DMRT2: variants seen among roughly 807,000 people sequenced by gnomAD.
The protein encoded by DMRT2 is doublesex- and mab-3-related transcription factor 2.
DMRT2 carries 33 observed loss-of-function variants against 43.5 expected under a neutral mutation model. The ratio of observed to expected loss-of-function variants is 0.76; its 90% CI spans 0.58 to 1.01. The LOEUF (loss-of-function observed/expected upper bound fraction) is 1.01. Among genes scored for constraint, DMRT2 ranks in the 50% least tolerant of loss-of-function variants. The pLI is 0.00. For synonymous variants in DMRT2, 395 were observed against 309.2 expected, an observed-to-expected ratio of 1.28 and a Z score of -2.91; for missense variants, 1,064 against 748.0, an observed-to-expected ratio of 1.42 and a Z score of -4.93.
At chr9:1,052,646 G>T (rs1158507354) in intron 2 of DMRT2, among the ~76,000 whole-genome samples, 1 of 152,046 alleles carries the variant, frequency 6.6e-6, no homozygotes, top group East Asian at 1.9e-4. Flanking sequence ...GACACAAAAT[G>T]CATGAGAAAT....
At chr9:1,055,787 A>T (rs747929955) in intron 3 of DMRT2, 1 of 1,509,444 alleles carries the variant, frequency 6.6e-7, no homozygotes, top group African/African-American at 1.4e-5. Context: ...AATAAAAGTG[A>T]CATCAGCTCT....
chr9:1,057,083 C>A lies in DMRT2; in HGVS notation c.1496C>A (p.Thr499Asn), dbSNP rs751193192. The A allele has an allele frequency of 7.4e-6, 12 of 1,614,106 alleles. No homozygotes were observed. The change falls in exon 4 of 4, where the codon ACC becomes AAC. Residue 499 changes from threonine (T) to asparagine (N), a missense_variant. Transcript: ENST00000358146. The part of the protein sequence containing the change: ...TPFVKEAFEE[T>N]PKKHRECLVK... ...TTTGTCAAAGAGGCCTTTGAAGAGA[C>A]CCCTAAGAAACACAGAGAGTGTTTA...
rs144310366 is a variant in DMRT2 at position 1,056,982 on chromosome 9, A to G, written c.1395A>G (p.Pro465=). Residue 465 remains proline (P), a synonymous_variant, in exon 4 of 4, where the codon CCA becomes CCG. Coordinates refer to ENST00000358146, the MANE Select transcript of DMRT2 (RefSeq NM_181872.6). ...ISKENTRHPL[P]LRHNPFHSLF... ...AAGAAAACACCAGGCACCCTCTGCC[A>G]CTTAGACATAATCCATTCCACTCAT... 144 of 1,614,238 alleles carry G rather than the reference A, an allele frequency of 8.9e-5. No homozygotes were observed. In the African/African-American group the frequency reaches 1.7e-3, roughly 19 times the overall value.
chr9:1,051,775 G>T lies in DMRT2; in HGVS notation c.162G>T (p.Gly54=). 3 of 1,518,538 alleles carry T rather than the reference G, an allele frequency of 2.0e-6. No homozygotes were observed. The highest frequency in any genetic ancestry group is 2.6e-6 in the Non-Finnish European group (3 of 1,136,046). The allele number at this position is 1,518,538 out of a possible 1,614,324, so 94.1% of individuals were successfully genotyped here. Reference sequence around the variant, plus strand: ...GCGAGGACGACGAAGATGACGACGGGGTGGACGAAGACGCGGAAGAAGAGG... The same window carrying T: ...GCGAGGACGACGAAGATGACGACGGTGTGGACGAAGACGCGGAAGAAGAGG... ...GDCEDDEDDD[G]VDEDAEEEGD... is the part of the protein sequence containing the mutation. Residue 54 remains glycine, a synonymous_variant, in exon 2 of 4, where the codon GGG becomes GGT. Coordinates refer to ENST00000358146, the MANE Select transcript of DMRT2 (RefSeq NM_181872.6). This position sits in a 1 kb window ranked among gnomAD's most constrained non-coding sequence, Gnocchi z 5.9.
In DMRT2 at chr9:1,051,572, T is replaced by C. The variant is rs1586730200; in HGVS notation, c.-42T>C. The stretch of plus-strand genomic sequence containing the variant: ...TGGATTTCTTTGTGTTTCCCCAGAG[T>C]GAGGGCCGCCAGGCTCAGGCCCCAG... On this transcript the variant is annotated splice_region_variant and 5_prime_UTR_variant, in exon 2 of 4. Coordinates refer to ENST00000358146, the MANE Select transcript of DMRT2 (RefSeq NM_181872.6). The surrounding 1 kb of genome is among the most constrained non-coding windows in gnomAD (Gnocchi z 5.9). The C allele has an allele frequency of 1.4e-6, 2 of 1,475,730 alleles. No homozygotes were observed. Among genetic ancestry groups the C allele is most frequent in the African/African-American group, 2.9e-5 (2 of 68,522 alleles). The allele number at this position is 1,475,730 out of a possible 1,614,324, so 91.4% of individuals were successfully genotyped here. A position where few individuals can be genotyped will look rare whatever the true frequency, so the allele number is the denominator to read the frequency against.
At chr9:1,055,625 TTTTCAATTTTCTA>T in intron 3 of DMRT2, 1 of 1,245,362 alleles carries the variant, frequency 8.0e-7, no homozygotes, top group Admixed American at 3.8e-5. Flanking sequence ...TTAACAGCTC[TTTTCAATTTTCTA>T]TGCTTCTCTA....
chr9:1,051,842 C>T lies in DMRT2; in HGVS notation c.229C>T (p.Gln77Ter). 7.0e-7 allele frequency: 1 copy of T among 1,429,438 alleles called. No individual in the cohort carries two copies. The highest frequency in any genetic ancestry group is 1.5e-5 in the South Asian group (1 of 66,460). The allele number at this position is 1,429,438 out of a possible 1,614,324, so 88.5% of individuals were successfully genotyped here. ...AGGCGCGTCCCCCGGGATGCCCGGC[C>T]AGCCGGAGCAGCGGGGGGGACCGCA... Reference protein sequence around the residue: ...EAGASPGMPGQPEQRGGPQPR... With the variant: ...EAGASPGMPG The change falls in exon 2 of 4, where the codon CAG becomes TAG. Residue 77 changes from glutamine to a stop codon, truncating the protein, a stop_gained. Transcript: ENST00000358146. LOFTEE classifies it high-confidence loss of function. The surrounding 1 kb of genome is among the most constrained non-coding windows in gnomAD (Gnocchi z 5.9).
At chr9:1,053,591 C>T (rs1423215345) in intron 2 of DMRT2, 131 bp from the exon 3 acceptor site, 5 of 827,026 alleles carry the variant, frequency 6.0e-6, no homozygotes, top group Non-Finnish European at 9.4e-6. Flanking sequence ...TTATTTTTCA[C>T]ACGGAATGGG....
At position 1,057,450 on chromosome 9, in the gene DMRT2, A is replaced by C. The variant is rs969648107; in HGVS notation, c.*177A>C. The stretch of plus-strand genomic sequence containing the variant: ...TACTTTTTCTTATCACATATATTTA[A>C]ACTTACAGATGGAAATTGCCCAATG... On this transcript the variant is annotated 3_prime_UTR_variant, in exon 4 of 4. Transcript: ENST00000358146. 1.5e-6 allele frequency: 1 copy of C among 674,898 alleles called. No homozygotes were observed. The highest frequency in any genetic ancestry group is 2.4e-6 in the Non-Finnish European group (1 of 421,738). The allele number at this position is 674,898 out of a possible 1,614,324, so 41.8% of individuals were successfully genotyped here. A position where few individuals can be genotyped will look rare whatever the true frequency, so the allele number is the denominator to read the frequency against.
chr9:1,053,042 C>A (rs1036233970), intron 2 of DMRT2: 5 of 152,370 alleles, frequency 3.3e-5, no homozygotes, highest in African/African-American at 1.2e-4. Flanking sequence ...GGCTTGGTCT[C>A]CTCCCGCGTC....
rs770673047 is a variant in DMRT2, at chr9:1,057,260, G to A, written c.1673G>A (p.Arg558His). 9.9e-6 allele frequency: 16 copies of A among 1,608,306 alleles called. No individual in the cohort carries two copies. The highest frequency in any genetic ancestry group is 1.7e-5 in the Admixed American group (1 of 58,670). Residue 558 changes from arginine to histidine, a missense_variant, in exon 4 of 4, where the codon CGT (arginine) becomes CAT (histidine). Arg to His is a conservative substitution (Grantham distance 29). Coordinates refer to ENST00000358146, the MANE Select transcript of DMRT2 (RefSeq NM_181872.6). Reference protein sequence around the residue: ...ILKRPSSAITRVSQ With the variant: ...ILKRPSSAITHVSQ ...AAGAGGCCTTCATCTGCCATCACTC[G>A]TGTCTCTCAGTGAAAGGCTGCTTAA...
chr9:1,056,736 C>T lies in DMRT2; in HGVS notation c.1149C>T (p.Val383=), dbSNP rs1299214211. 4.3e-6 allele frequency: 7 copies of T among 1,614,056 alleles called. No homozygotes were observed. The highest frequency in any genetic ancestry group is 5.9e-6 in the Non-Finnish European group (7 of 1,180,016). ...GASWDLKGAR[V]QDGLSAEQDM... ...GCTGGGACTTGAAGGGAGCACGAGT[C>T]CAGGATGGACTCAGTGCAGAGCAGG... Residue 383 remains valine, a synonymous_variant, in exon 4 of 4, where the codon GTC becomes GTT. Coordinates refer to ENST00000358146, the MANE Select transcript of DMRT2 (RefSeq NM_181872.6).
At chr9:1,052,615 G>C (rs1304540000) in intron 2 of DMRT2, among the ~76,000 whole-genome samples, 1 of 151,896 alleles carries the variant, frequency 6.6e-6, no homozygotes, top group Non-Finnish European at 1.5e-5. Flanking sequence ...GAGATATCTA[G>C]AACACTCATT....
chr9:1,054,256 C>A (rs956439082), intron 3 of DMRT2, among the ~76,000 whole-genome samples: 1 of 152,170 alleles, frequency 6.6e-6, no homozygotes, highest in African/African-American at 2.4e-5. Context: ...ATAACTTAAA[C>A]AAAGCAAAAC....
intron 2 of DMRT2, 33 bp downstream of exon 2, chr9:1,052,171 C>A: frequency 7.5e-7 from 1 of 1,331,770 alleles, no homozygotes. Context: ...CGTCTCAGGC[C>A]ACAGTGGAGG....
rs199502026 is a variant in DMRT2 at position 1,056,582 on chromosome 9, A to G, written c.995A>G (p.Tyr332Cys). 29 of 1,614,214 alleles carry G rather than the reference A, an allele frequency of 1.8e-5. No homozygotes were observed. Among genetic ancestry groups the G allele is most frequent in the Middle Eastern group, 1.6e-4 (1 of 6,062 alleles). ...TCTAATGTCAGCGTGGCCACAACTT[A>G]TAGACAGTATCCCTTGTCCTCAAGA... is the stretch of plus-strand genomic sequence containing the variant. ...ISSNVSVATT[Y>C]RQYPLSSRFL... Residue 332 changes from tyrosine (Y) to cysteine (C), a missense_variant, in exon 4 of 4, where the codon TAT becomes TGT. Physicochemically the swap from Tyr to Cys is radical, Grantham distance 194. Coordinates refer to ENST00000358146, the MANE Select transcript of DMRT2 (RefSeq NM_181872.6).
In DMRT2 at chr9:1,057,405, A is replaced by G. The variant is rs1822082684; in HGVS notation, c.*132A>G. On this transcript the variant is annotated 3_prime_UTR_variant, in exon 4 of 4. Transcript: ENST00000358146. ...AAAGATGATGATTTTGAAAAATTTT[A>G]TATATTCCTAATATGCATGTACTTT... is the stretch of plus-strand genomic sequence containing the variant. 1 of 992,592 alleles carries G rather than the reference A, an allele frequency of 1.0e-6. No homozygotes were observed. The allele number at this position is 992,592 out of a possible 1,614,324, so 61.5% of individuals were successfully genotyped here. A position where few individuals can be genotyped will look rare whatever the true frequency, so the allele number is the denominator to read the frequency against.
intron 3 of DMRT2, among the ~76,000 whole-genome samples, chr9:1,054,976 G>A (rs1477378974): frequency 1.3e-5 from 2 of 152,144 alleles, no homozygotes; most frequent in Non-Finnish European, 2.9e-5. Context: ...GTTTGTGTGT[G>A]TCCTATCATG....
rs72703240 is a variant in DMRT2, at chr9:1,057,497, C to T, written c.*224C>T. The stretch of plus-strand genomic sequence containing the variant: ...AATGTGCAAATTGTTAAGTACCACA[C>T]TTTACACAGCATTTCAAAAAGCAAT... On this transcript the variant is annotated 3_prime_UTR_variant, in exon 4 of 4. Transcript: ENST00000358146. 3,889 of 486,554 alleles carry T rather than the reference C, an allele frequency of 8.0e-3. 122 individuals are homozygous for T. Among genetic ancestry groups the T allele is most frequent in the African/African-American group, 0.065 (3,330 of 51,626 alleles). The allele number at this position is 486,554 out of a possible 1,614,324, so 30.1% of individuals were successfully genotyped here.
Sources: gnomAD v4.1 joint callset for allele counts (sites outside exome capture counted in the v4.1 genomes callset) on GRCh38, gnomAD v4.1.1 for gene constraint, Gnocchi (gnomAD v3.1) non-coding constraint, MANE v1.5 for transcripts, NCBI Gene and HGNC (gene_info 2026-07-23, HGNC 2026-07-21) for gene names.